Variants in GNA12 observed in about 807,000 individuals in gnomAD.
The protein encoded by GNA12 is G protein subunit alpha 12, also known as guanine nucleotide-binding protein subunit alpha-12.
In GNA12, 9 loss-of-function variants were observed where a neutral mutation model predicts 26.0. The observed-to-expected ratio is 0.35, with a 90% CI of 0.21 to 0.60. The LOEUF is 0.60. Ranked by LOEUF, GNA12 falls within the 20% of genes least tolerant of loss-of-function variation. GNA12 has a pLI of 0.78. For synonymous variants in GNA12, 264 were observed against 219.6 expected, an observed-to-expected ratio of 1.20 and a Z score of -1.79; for missense variants, 405 against 525.8, an observed-to-expected ratio of 0.77 and a Z score of 2.25.
chr7:2,839,772 G>C (rs534895287), intron 1 of GNA12, among the ~76,000 whole-genome samples: 1 of 152,146 alleles, frequency 6.6e-6, no homozygotes, highest in Non-Finnish European at 1.5e-5. Flanking sequence ...AGGCCGAGGC[G>C]GGTGGATCAC....
intron 2 of GNA12, among the ~76,000 whole-genome samples, chr7:2,736,228 G>A (rs1425675036): frequency 9.9e-5 from 15 of 152,178 alleles, no homozygotes; most frequent in Admixed American, 9.8e-4. Flanking sequence ...GAGGCACTGT[G>A]CCTGCCAAGA....
intron 1 of GNA12, among the ~76,000 whole-genome samples, chr7:2,815,537 C>A (rs1486433864): frequency 6.6e-6 from 1 of 152,224 alleles, no homozygotes; most frequent in Non-Finnish European, 1.5e-5. Flanking sequence ...CAGGGCCAAG[C>A]ACTGGACAAC....
intron 1 of GNA12, among the ~76,000 whole-genome samples, chr7:2,842,001 T>TAGGGAGGGAGGGAGAA (rs1554264296): frequency 2.1e-5 from 2 of 95,794 alleles, no homozygotes; most frequent in Admixed American, 1.1e-4. Context: ...GGTAGAGAGG[T>TAGGGAGGGAGGGAGAA]AGGGAGGGAG....
At position 2,731,556 on chromosome 7, in the gene GNA12, G is replaced by A. The variant is rs1289492823; in HGVS notation, c.771C>T (p.Tyr257=). 5.6e-6 allele frequency: 9 copies of A among 1,610,844 alleles called. No homozygotes were observed. The highest frequency in any genetic ancestry group is 4.5e-5 in the East Asian group (2 of 44,820). The change falls in exon 4 of 4, where the codon TAC becomes TAT. Residue 257 remains tyrosine (Y), a synonymous_variant. Transcript: ENST00000275364. This position sits in a 1 kb window ranked among gnomAD's most constrained non-coding sequence, Gnocchi z 6.0. The stretch of plus-strand genomic sequence containing the variant: ...GCCTGTCCTCCATGAGGACCTGGTC[G>A]TACTCGCTGGAGGAGACCATGAACA... ...SILFMVSSSE[Y]DQVLMEDRRT...
chr7:2,729,485 C>G lies in GNA12; in HGVS notation c.*1696G>C, dbSNP rs1274098507. On this transcript the variant is annotated 3_prime_UTR_variant, in exon 4 of 4. Transcript: ENST00000275364. ...AGCCCAGCAAACACTGACACACAGC[C>G]TCGAGCACTGCGAGAGAGAGTTCCA... The G allele has an allele frequency of 6.6e-6, 1 of 152,422 alleles. No homozygotes were observed. Among genetic ancestry groups the G allele is most frequent in the Non-Finnish European group, 1.5e-5 (1 of 68,068 alleles). 9.4% of individuals were successfully genotyped at this position (152,422 alleles called of 1,614,324 possible).
chr7:2,785,964 G>A (rs1256313726), intron 2 of GNA12, among the ~76,000 whole-genome samples: 1 of 152,266 alleles, frequency 6.6e-6, no homozygotes, highest in Admixed American at 6.5e-5. Flanking sequence ...CTACTCGGGA[G>A]GCTGAGGCAG....
intron 2 of GNA12, among the ~76,000 whole-genome samples, chr7:2,782,574 G>A (rs767039042): frequency 1.3e-5 from 2 of 151,992 alleles, no homozygotes; most frequent in East Asian, 1.9e-4. Flanking sequence ...GAAAGTTCAC[G>A]TCTACCTTTT....
At chr7:2,812,534 T>C (rs1205815520) in intron 1 of GNA12, among the ~76,000 whole-genome samples, 4 of 152,112 alleles carry the variant, frequency 2.6e-5, no homozygotes, top group Non-Finnish European at 5.9e-5. Context: ...GAGGCTGAGG[T>C]GGGAGAATCA....
At chr7:2,771,974 G>A (rs1349513213) in intron 2 of GNA12, among the ~76,000 whole-genome samples, 1 of 152,192 alleles carries the variant, frequency 6.6e-6, no homozygotes, top group Non-Finnish European at 1.5e-5. Flanking sequence ...CCTCCTAGGA[G>A]AGCATGTGGT....
At chr7:2,835,026 G>A (rs1048543532) in intron 1 of GNA12, among the ~76,000 whole-genome samples, 1 of 152,180 alleles carries the variant, frequency 6.6e-6, no homozygotes, top group Non-Finnish European at 1.5e-5. Flanking sequence ...CTACCTTGGG[G>A]TGGCTAAAGG....
chr7:2,832,487 T>C (rs181975473), intron 1 of GNA12, among the ~76,000 whole-genome samples: 91 of 152,274 alleles, frequency 6.0e-4, no homozygotes, highest in Non-Finnish European at 2.6e-4. Flanking sequence ...CCATGCACCA[T>C]CACTGGAACG....
chr7:2,732,756 T>A (rs1034108953), intron 3 of GNA12, among the ~76,000 whole-genome samples: 1 of 152,010 alleles, frequency 6.6e-6, no homozygotes, highest in African/African-American at 2.4e-5. Context: ...GTCCACATGG[T>A]AAGAAACCCT....
intron 1 of GNA12, among the ~76,000 whole-genome samples, chr7:2,808,559 GCAGC>G (rs1283412435): frequency 6.6e-6 from 1 of 152,218 alleles, no homozygotes; most frequent in African/African-American, 2.4e-5. Flanking sequence ...TCCCCACAGA[GCAGC>G]AGCGGCCTGC....
chr7:2,781,815 A>T (rs1283105095), intron 2 of GNA12, among the ~76,000 whole-genome samples: 2 of 152,146 alleles, frequency 1.3e-5, no homozygotes, highest in African/African-American at 2.4e-5. Context: ...AACAACTACA[A>T]CTTGACATCA....
intron 2 of GNA12, among the ~76,000 whole-genome samples, chr7:2,784,237 C>A (rs1343879038): frequency 2.6e-5 from 4 of 152,214 alleles, no homozygotes; most frequent in Non-Finnish European, 5.9e-5. Flanking sequence ...CCCACCTCGG[C>A]TTCCCGAGTA....
At chr7:2,830,379 A>G (rs1161983098) in intron 1 of GNA12, among the ~76,000 whole-genome samples, 1 of 152,220 alleles carries the variant, frequency 6.6e-6, no homozygotes, top group African/African-American at 2.4e-5. Context: ...CCTTCTGACT[A>G]AAGAGTCTGG....
chr7:2,827,904 C>A (rs901890088), intron 1 of GNA12, among the ~76,000 whole-genome samples: 5 of 149,138 alleles, frequency 3.4e-5, no homozygotes, highest in African/African-American at 9.9e-5. Context: ...TTCTCCCTAC[C>A]CCCGATACTT....
rs116070355 is a variant in GNA12, at chr7:2,737,859, C to G, written c.526-4358G>C. ...GCATTTGATTTCCACTGAATAGAGA[C>G]GCTAGCCAAACAACAGAGAATCTTT... On this transcript the variant is annotated intron_variant, in intron 2 of 3. Transcript: ENST00000275364. 5.2e-3 allele frequency among the ~76,000 whole-genome samples: 799 copies of G among 152,236 alleles called. 7 individuals carry two copies. The highest frequency in any genetic ancestry group is 0.018 in the African/African-American group (754 of 41,532).
intron 1 of GNA12, chr7:2,814,183 G>C (rs1158180523): frequency 7.8e-6 from 5 of 642,734 alleles, no homozygotes; most frequent in African/African-American, 7.3e-5. Flanking sequence ...CCAGAATCAC[G>C]TGAGTGAAAT....
Sources: allele counts gnomAD v4.1 joint callset (sites outside exome capture counted in the v4.1 genomes callset), GRCh38; gene constraint gnomAD v4.1.1; non-coding constraint Gnocchi (gnomAD v3.1); transcripts MANE v1.5; gene names NCBI Gene and HGNC (gene_info 2026-07-23, HGNC 2026-07-21).